Variants in RELN observed in about 807,000 individuals in gnomAD.
The protein encoded by RELN is reelin.
In RELN, 108 loss-of-function variants were observed where a neutral mutation model predicts 427.6. That is an observed-to-expected ratio of 0.25 (90% CI 0.22 to 0.30). The LOEUF (loss-of-function observed/expected upper bound fraction) is 0.30. RELN is among the 10% of genes least tolerant of loss of function. RELN has a pLI of 1.00. For synonymous variants in RELN, 1,524 were observed against 1,513.4 expected (o/e 1.01, Z -0.16); for missense variants, 3,715 against 4,302.8 (o/e 0.86, Z 3.82).
chr7:103,640,725 C>T lies in RELN; in HGVS notation c.2003-116G>A. The T allele has an allele frequency of 2.0e-6, 2 of 1,006,480 alleles. No individual in the cohort carries two copies. Among genetic ancestry groups the T allele is most frequent in the South Asian group, 2.7e-5 (2 of 73,510 alleles). 62.3% of individuals were successfully genotyped at this position (1,006,480 alleles called of 1,614,324 possible). On this transcript the variant is annotated intron_variant, in intron 16 of 64. Coordinates refer to ENST00000428762, the MANE Select transcript of RELN (RefSeq NM_005045.4). This position sits in a 1 kb window ranked among gnomAD's most constrained non-coding sequence, Gnocchi z 4.1. ...TGTGTGTATGTTGTGTGCAGGAACCCAGGGTGACATATGGAATGCTGTGTA... is the reference window on the plus strand; with the variant it reads ...TGTGTGTATGTTGTGTGCAGGAACCTAGGGTGACATATGGAATGCTGTGTA...
intron 10 of RELN, among the ~76,000 whole-genome samples, chr7:103,682,654 T>C (rs1833680503): frequency 6.6e-6 from 1 of 152,228 alleles, no homozygotes; most frequent in Non-Finnish European, 1.5e-5. Flanking sequence ...CAATATTCCA[T>C]ATATTTCTTA....
rs768834240 is a variant in RELN, at chr7:103,776,606, G to T, written c.495C>A (p.Gly165=). The change falls in exon 4 of 65, where the codon GGC becomes GGA. Residue 165 remains glycine (G), a synonymous_variant. Coordinates refer to ENST00000428762, the MANE Select transcript of RELN (RefSeq NM_005045.4). ...CTAAAGCATCTTTGAAAATAACCTGGCCCCGGTGTGTTGCTGTAGCCCTGG... is the reference window on the plus strand; with the variant it reads ...CTAAAGCATCTTTGAAAATAACCTGTCCCCGGTGTGTTGCTGTAGCCCTGG... ...VNFMATATHR[G]QVIFKDALAQ... is the part of the protein sequence containing the mutation. The T allele has an allele frequency of 1.9e-6, 3 of 1,614,028 alleles. No homozygotes were observed. Among genetic ancestry groups the T allele is most frequent in the Non-Finnish European group, 2.5e-6 (3 of 1,179,938 alleles).
chr7:103,906,995 G>A (rs1471973886), intron 2 of RELN, among the ~76,000 whole-genome samples: 1 of 151,950 alleles, frequency 6.6e-6, no homozygotes, highest in African/African-American at 2.4e-5. Context: ...TTAAGAATCT[G>A]GTAACTGCCA....
intron 3 of RELN, among the ~76,000 whole-genome samples, chr7:103,783,160 C>CTTTTTTTTT (rs908073449): frequency 1.2e-5 from 1 of 81,628 alleles, no homozygotes; most frequent in Non-Finnish European, 2.3e-5. Flanking sequence ...TTTTCTCTTT[C>CTTTTTTTTT]TTTCTTTTTT....
intron 10 of RELN, among the ~76,000 whole-genome samples, chr7:103,693,245 C>A (rs1381228188): frequency 6.7e-6 from 1 of 148,332 alleles, no homozygotes; most frequent in Non-Finnish European, 1.5e-5. Flanking sequence ...AACACAGGAA[C>A]AGAAAACCAA....
chr7:103,504,761 C>T (rs1194362458), intron 51 of RELN, among the ~76,000 whole-genome samples: 1 of 152,198 alleles, frequency 6.6e-6, no homozygotes, highest in South Asian at 2.1e-4. Flanking sequence ...CAGACCAGGA[C>T]ATTCCCTTCG....
chr7:103,697,983 A>G lies in RELN; in HGVS notation c.1013T>C (p.Val338Ala). 1.2e-6 allele frequency: 2 copies of G among 1,613,710 alleles called. No individual in the cohort carries two copies. The highest frequency in any genetic ancestry group is 1.7e-6 in the Non-Finnish European group (2 of 1,179,804). ...WKQENLRVGE[V>A]YEACWALDNI... ...ATCTAAGGCCCAGCAGGCTTCATACACTTCACCTACACGAAGATTTTCCTG... is the reference window on the plus strand; with the variant it reads ...ATCTAAGGCCCAGCAGGCTTCATACGCTTCACCTACACGAAGATTTTCCTG... Residue 338 changes from valine to alanine, a missense_variant, in exon 10 of 65, where the codon GTG becomes GCG. Physicochemically the swap from Val to Ala is moderately conservative, Grantham distance 64. Around this residue, in one of 4 missense-constraint regions of RELN, gnomAD observed 2,208 missense variants for 2,361.7 expected, o/e 0.93. Transcript: ENST00000428762.
intron 2 of RELN, among the ~76,000 whole-genome samples, chr7:103,836,559 T>G (rs1793414310): frequency 6.6e-6 from 1 of 152,186 alleles, no homozygotes; most frequent in Admixed American, 6.5e-5. Context: ...GTTTCAGCAC[T>G]TCTTGCCCCC....
At chr7:103,969,696 T>G (rs1796724878) in intron 1 of RELN, among the ~76,000 whole-genome samples, 1 of 152,222 alleles carries the variant, frequency 6.6e-6, no homozygotes, top group Non-Finnish European at 1.5e-5. Context: ...GAAAATGTTT[T>G]TGTAATCTGA....
chr7:103,504,315 G>A (rs959559159), intron 51 of RELN: 3 of 152,186 alleles, frequency 2.0e-5, no homozygotes, highest in African/African-American at 7.2e-5. Context: ...ATTTTCTCTT[G>A]TTGAAACAAA....
Position 103,728,097 on chromosome 7 carries a change from T to G in RELN, c.753+14A>C, listed in dbSNP as rs368776001. ...ACTATAATGGAATAATGTACATGAA[T>G]AGCACATACTTACCAGTTCTCGTGG... On this transcript the variant is annotated intron_variant, in intron 7 of 64. Coordinates refer to ENST00000428762, the MANE Select transcript of RELN (RefSeq NM_005045.4). 1.2e-6 allele frequency: 2 copies of G among 1,610,458 alleles called. No individual in the cohort carries two copies. Among genetic ancestry groups the G allele is most frequent in the Non-Finnish European group, 8.5e-7 (1 of 1,176,894 alleles).
At chr7:103,489,491 T>G (rs531081602) in intron 60 of RELN, among the ~76,000 whole-genome samples, 1 of 152,334 alleles carries the variant, frequency 6.6e-6, no homozygotes, top group South Asian at 2.1e-4. Context: ...TGGATTTATA[T>G]GCTTATATAT....
At chr7:103,878,673 C>T (rs1794539648) in intron 2 of RELN, among the ~76,000 whole-genome samples, 1 of 152,150 alleles carries the variant, frequency 6.6e-6, no homozygotes, top group Non-Finnish European at 1.5e-5. Flanking sequence ...TCAAAAATTA[C>T]ACAATCATTT....
intron 51 of RELN, among the ~76,000 whole-genome samples, chr7:103,503,780 G>C (rs1829114107): frequency 6.6e-6 from 1 of 151,178 alleles, no homozygotes; most frequent in African/African-American, 2.4e-5. Flanking sequence ...AGAATAAATT[G>C]GTTCACATAA....
chr7:103,926,800 A>G (rs1795753452), intron 1 of RELN, among the ~76,000 whole-genome samples: 1 of 151,790 alleles, frequency 6.6e-6, no homozygotes, highest in South Asian at 2.1e-4. Flanking sequence ...ATGAGCCACC[A>G]CATCCAGCTA....
intron 52 of RELN, 128 bp downstream of exon 52, chr7:103,502,888 C>A (rs866636272): frequency 3.7e-6 from 3 of 806,256 alleles, no homozygotes; most frequent in South Asian, 2.9e-5. Context: ...ATTAGAGAAC[C>A]TTTAGAGTTA....
chr7:103,819,368 C>G (rs181785139), intron 3 of RELN, among the ~76,000 whole-genome samples: 2 of 151,798 alleles, frequency 1.3e-5, no homozygotes, highest in Admixed American at 1.3e-4. Context: ...TACAAAAAAA[C>G]AAAAACAAAA....
chr7:103,936,759 C>G (rs62487055), intron 1 of RELN, among the ~76,000 whole-genome samples: 33 of 88,814 alleles, frequency 3.7e-4, no homozygotes, highest in African/African-American at 7.2e-4. Flanking sequence ...CACACACACA[C>G]ACACACACAC....
chr7:103,632,640 T>C (rs539788006), intron 19 of RELN, among the ~76,000 whole-genome samples: 1 of 152,268 alleles, frequency 6.6e-6, no homozygotes, highest in Non-Finnish European at 1.5e-5. Context: ...GATCAGAATA[T>C]TCCTAGAAGA....
Sources: gnomAD v4.1 joint callset for allele counts (sites outside exome capture counted in the v4.1 genomes callset) on GRCh38, gnomAD v4.1.1 for gene constraint, gnomAD v4.1.1 regional missense constraint, Gnocchi (gnomAD v3.1) non-coding constraint, MANE v1.5 for transcripts, NCBI Gene and HGNC (gene_info 2026-07-23, HGNC 2026-07-21) for gene names.